GYPE: variants seen among roughly 807,000 people sequenced by gnomAD.
GYPE encodes glycophorin E (MNS blood group).
GYPE carries 8 observed loss-of-function variants against 11.6 expected under a neutral mutation model. The ratio of observed to expected loss-of-function variants is 0.69; its 90% CI spans 0.41 to 1.25. The LOEUF (loss-of-function observed/expected upper bound fraction) is 1.25. GYPE is among the 50% of genes most tolerant of loss of function. The pLI is 0.01. For missense variants in GYPE, 90 were observed against 92.8 expected (o/e 0.97, Z 0.12); for synonymous variants, 28 against 29.6 (o/e 0.94, Z 0.18).
Position 143,872,111 on chromosome 4 carries a change from T to C in GYPE, c.*151A>G, listed in dbSNP as rs893635259. On this transcript the variant is annotated 3_prime_UTR_variant, in exon 4 of 4. Transcript: ENST00000358615. ...GACTCAGCATTTAGTTTCTGACTCCTAGAGTCCCTTAGTAGCCAGTCAACG... is the reference window on the plus strand; with the variant it reads ...GACTCAGCATTTAGTTTCTGACTCCCAGAGTCCCTTAGTAGCCAGTCAACG... The C allele has an allele frequency of 3.9e-5, 6 of 152,536 alleles. No individual in the cohort carries two copies. Among genetic ancestry groups the C allele is most frequent in the African/African-American group, 1.4e-4 (6 of 41,418 alleles). The allele number at this position is 152,536 out of a possible 1,614,324, so 9.4% of individuals were successfully genotyped here.
intron 1 of GYPE, among the ~76,000 whole-genome samples, chr4:143,894,463 G>T (rs1578973177): frequency 6.6e-6 from 1 of 151,856 alleles, no homozygotes; most frequent in Middle Eastern, 3.4e-3. Flanking sequence ...GGTCTTTGAT[G>T]ATGGTGATGT....
chr4:143,895,469 A>C (rs1396150743), intron 1 of GYPE, among the ~76,000 whole-genome samples: 1 of 150,156 alleles, frequency 6.7e-6, no homozygotes, highest in Non-Finnish European at 1.5e-5. Flanking sequence ...GGACCTCTTC[A>C]AGGAGAACTA....
intron 1 of GYPE, among the ~76,000 whole-genome samples, chr4:143,895,293 G>A (rs1351092996): frequency 1.3e-5 from 2 of 152,140 alleles, no homozygotes; most frequent in Non-Finnish European, 2.9e-5. Flanking sequence ...AAGCTGATAA[G>A]CAACTTCAGC....
At chr4:143,878,789 G>A (rs1327485183) in intron 2 of GYPE, 7 of 391,280 alleles carry the variant, frequency 1.8e-5, no homozygotes, top group Non-Finnish European at 3.1e-5. Context: ...TATTTTGAGA[G>A]TTGTTGGTCA....
At chr4:143,888,564 A>G (rs992481962) in intron 1 of GYPE, among the ~76,000 whole-genome samples, 28 of 149,492 alleles carry the variant, frequency 1.9e-4, no homozygotes, top group Admixed American at 6.8e-5. Context: ...ATGCTCAGCT[A>G]ATTTGTGGTA....
At chr4:143,887,802 CTTTAAA>C (rs1744264479) in intron 1 of GYPE, among the ~76,000 whole-genome samples, 2 of 146,638 alleles carry the variant, frequency 1.4e-5, no homozygotes, top group Non-Finnish European at 3.0e-5. Flanking sequence ...CAAACTCCTA[CTTTAAA>C]TTTATGTTTT....
At chr4:143,897,810 T>A (rs1305366390) in intron 1 of GYPE, among the ~76,000 whole-genome samples, 2 of 151,940 alleles carry the variant, frequency 1.3e-5, no homozygotes, top group African/African-American at 4.8e-5. Context: ...ATATGTGTGC[T>A]GAACCACTAA....
chr4:143,873,998 G>C (rs1743701364), intron 3 of GYPE, among the ~76,000 whole-genome samples: 1 of 152,050 alleles, frequency 6.6e-6, no homozygotes, highest in African/African-American at 2.4e-5. Context: ...AGAATGCATA[G>C]ATTAGGGTAA....
At chr4:143,899,357 C>T (rs1242150982) in intron 1 of GYPE, among the ~76,000 whole-genome samples, 1 of 152,202 alleles carries the variant, frequency 6.6e-6, no homozygotes. Flanking sequence ...GCAAAATTAA[C>T]TTGATCTCTA....
chr4:143,881,788 T>C (rs1744030985), intron 1 of GYPE, among the ~76,000 whole-genome samples: 1 of 152,192 alleles, frequency 6.6e-6, no homozygotes, highest in Admixed American at 6.5e-5. Context: ...TCTGTAGATG[T>C]ACCTTTGCTC....
chr4:143,877,091 T>G (rs1361720028), intron 2 of GYPE, among the ~76,000 whole-genome samples: 1 of 152,184 alleles, frequency 6.6e-6, no homozygotes, highest in Non-Finnish European at 1.5e-5. Flanking sequence ...AAATAGTTGA[T>G]GACAGAACTA....
chr4:143,884,973 T>C (rs1211654334), intron 1 of GYPE, among the ~76,000 whole-genome samples: 1 of 150,132 alleles, frequency 6.7e-6, no homozygotes, highest in Non-Finnish European at 1.5e-5. Context: ...CTGTCAGTAG[T>C]ATGGAGGATA....
chr4:143,901,635 GA>G (rs2149917275), intron 1 of GYPE, among the ~76,000 whole-genome samples: 1 of 28,726 alleles, frequency 3.5e-5, no homozygotes, highest in Admixed American at 6.9e-4. Context: ...ATATAAGAAG[GA>G]TTGGGTTTTT....
At chr4:143,901,922 C>T (rs932010733) in intron 1 of GYPE, among the ~76,000 whole-genome samples, 2 of 152,068 alleles carry the variant, frequency 1.3e-5, no homozygotes, top group African/African-American at 2.4e-5. Context: ...GTCTGTTTCT[C>T]TCTAAAAACC....
chr4:143,902,010 A>G (rs1358408272), intron 1 of GYPE, among the ~76,000 whole-genome samples: 1 of 152,072 alleles, frequency 6.6e-6, no homozygotes, highest in Non-Finnish European at 1.5e-5. Flanking sequence ...TTGGGGATTC[A>G]TTGGGGTTTA....
intron 1 of GYPE, among the ~76,000 whole-genome samples, chr4:143,888,458 A>C (rs1744287737): frequency 8.0e-6 from 1 of 125,344 alleles, no homozygotes; most frequent in Non-Finnish European, 1.7e-5. Flanking sequence ...TGCCTTAAAT[A>C]GTTTCCAAGT....
intron 1 of GYPE, among the ~76,000 whole-genome samples, chr4:143,901,699 A>G (rs1278541448): frequency 6.6e-6 from 1 of 152,110 alleles, no homozygotes; most frequent in Non-Finnish European, 1.5e-5. Flanking sequence ...ATAATCTGTA[A>G]AGATAACTTG....
At chr4:143,887,727 T>C (rs1744261407) in intron 1 of GYPE, among the ~76,000 whole-genome samples, 3 of 150,160 alleles carry the variant, frequency 2.0e-5, no homozygotes, top group East Asian at 2.1e-4. Flanking sequence ...AAGAGTTTAA[T>C]GATTAAGTGG....
intron 1 of GYPE, among the ~76,000 whole-genome samples, chr4:143,902,922 G>C (rs1376772679): frequency 6.6e-6 from 1 of 151,948 alleles, no homozygotes; most frequent in Non-Finnish European, 1.5e-5. Context: ...TTTTCAAATT[G>C]GTTCTTAGCT....
Sources: allele counts gnomAD v4.1 joint callset (sites outside exome capture counted in the v4.1 genomes callset), GRCh38; gene constraint gnomAD v4.1.1; transcripts MANE v1.5; gene names NCBI Gene and HGNC (gene_info 2026-07-23, HGNC 2026-07-21).